EML4: variants seen among roughly 807,000 people sequenced by gnomAD.
EML4 encodes EMAP like 4, also known as echinoderm microtubule-associated protein-like 4.
In EML4, 72 loss-of-function variants were observed where a neutral mutation model predicts 129.0. The observed-to-expected ratio is 0.56, with a 90% confidence interval of 0.46 to 0.68. The LOEUF (loss-of-function observed/expected upper bound fraction) is 0.68, where lower values mean the gene tolerates loss of function less well. EML4 is among the 30% of genes least tolerant of loss of function. The pLI, the probability that EML4 is intolerant of heterozygous loss-of-function variation, is 0.00. For missense variants in EML4, 1,363 were observed against 1,190.6 expected (o/e 1.14, Z -2.13); for synonymous variants, 532 against 405.0 (o/e 1.31, Z -3.77).
At position 42,301,326 on chromosome 2, in the gene EML4, T is replaced by C. The variant is rs1213186022; in HGVS notation, c.1575T>C (p.Thr525=). 6.2e-7 allele frequency: 1 copy of C among 1,613,280 alleles called. No homozygotes were observed. Among genetic ancestry groups the C allele is most frequent in the African/African-American group, 1.3e-5 (1 of 74,888 alleles). ...LCQMRNGMLL[T]GGGKDRKIIL... is the part of the protein sequence containing the mutation. ...AGATGAGAAATGGGATGTTATTAAC[T>C]GGAGGAGGGAAAGACAGAAAAATAA... The change falls in exon 14 of 23, where the codon ACT becomes ACC. Residue 525 remains threonine (T), a synonymous_variant. Coordinates refer to ENST00000318522, the MANE Select transcript of EML4 (RefSeq NM_019063.5).
chr2:42,259,541 C>T (rs1357224329), intron 3 of EML4, among the ~76,000 whole-genome samples: 1 of 151,930 alleles, frequency 6.6e-6, no homozygotes, highest in Non-Finnish European at 1.5e-5. Flanking sequence ...CAAACCTACC[C>T]TCTAAGTATA....
intron 1 of EML4, among the ~76,000 whole-genome samples, chr2:42,197,557 A>G (rs1020351695): frequency 1.3e-5 from 2 of 152,084 alleles, no homozygotes; most frequent in South Asian, 2.1e-4. Flanking sequence ...ATCCAAAACA[A>G]TAGTCTTCAG....
intron 1 of EML4, among the ~76,000 whole-genome samples, chr2:42,241,338 G>A (rs1008057118): frequency 2.0e-5 from 3 of 152,190 alleles, no homozygotes; most frequent in African/African-American, 7.2e-5. Flanking sequence ...ACTATGCTCT[G>A]TTACATTGCC....
intron 1 of EML4, among the ~76,000 whole-genome samples, chr2:42,190,496 G>GACC (rs1400166551): frequency 1.3e-5 from 2 of 152,204 alleles, no homozygotes; most frequent in Non-Finnish European, 2.9e-5. Flanking sequence ...CAACTTGGTA[G>GACC]TACTATTTAG....
chr2:42,256,334 A>G (rs17029441), intron 2 of EML4, among the ~76,000 whole-genome samples, 167 bp from the exon 3 acceptor site: 2 of 152,204 alleles, frequency 1.3e-5, no homozygotes, highest in South Asian at 4.1e-4. Context: ...TTGAGACAGT[A>G]TCATGTGCTG....
At chr2:42,207,259 C>G (rs1477578209) in intron 1 of EML4, among the ~76,000 whole-genome samples, 3 of 151,980 alleles carry the variant, frequency 2.0e-5, no homozygotes, top group Admixed American at 2.0e-4. Context: ...ATATCTTTTA[C>G]TAAAATATAT....
rs757011976 is a variant in EML4 at position 42,325,568 on chromosome 2, A to AT, written c.2242+18dup. 5.2e-6 allele frequency: 3 copies of AT among 574,022 alleles called. No individual in the cohort carries two copies. Among genetic ancestry groups the AT allele is most frequent in the Admixed American group, 3.1e-5 (1 of 32,778 alleles). The allele number at this position is 574,022 out of a possible 1,614,324, so 35.6% of individuals were successfully genotyped here. A position where few individuals can be genotyped will look rare whatever the true frequency, so the allele number is the denominator to read the frequency against. On this transcript the variant is annotated intron_variant, in intron 20 of 22. Transcript: ENST00000318522. ...AAATATTGTACTGTAAGTATGAATG[A>AT]TTTTATATATATATATATATGCTAT...
chr2:42,300,869 C>G (rs1030162684), intron 13 of EML4, among the ~76,000 whole-genome samples: 1 of 152,178 alleles, frequency 6.6e-6, no homozygotes, highest in East Asian at 1.9e-4. Flanking sequence ...GTCTTGAGCT[C>G]TCATATCAGA....
chr2:42,264,096 A>T (rs2104394299), intron 5 of EML4, among the ~76,000 whole-genome samples: 2 of 140,986 alleles, frequency 1.4e-5, no homozygotes, highest in South Asian at 4.5e-4. Flanking sequence ...CAACTCAAAC[A>T]ATACGTGTTT....
At chr2:42,198,202 G>C (rs1355146659) in intron 1 of EML4, among the ~76,000 whole-genome samples, 2 of 152,152 alleles carry the variant, frequency 1.3e-5, no homozygotes, top group Admixed American at 6.5e-5. Context: ...GAGGGAGTCT[G>C]ACTTAAAATT....
intron 1 of EML4, among the ~76,000 whole-genome samples, chr2:42,209,832 G>A (rs1672777154): frequency 6.6e-6 from 1 of 152,116 alleles, no homozygotes; most frequent in Non-Finnish European, 1.5e-5. Context: ...GGGAGGCTGA[G>A]GCAGGAGAAT....
chr2:42,226,315 G>T (rs1245190519), intron 1 of EML4, among the ~76,000 whole-genome samples: 1 of 152,010 alleles, frequency 6.6e-6, no homozygotes, highest in African/African-American at 2.4e-5. Context: ...TAGATGGGAG[G>T]AATAAGTTGA....
At chr2:42,184,824 A>G (rs527927418) in intron 1 of EML4, among the ~76,000 whole-genome samples, 22 of 152,184 alleles carry the variant, frequency 1.4e-4, no homozygotes, top group African/African-American at 5.1e-4. Context: ...TAAGTATTTC[A>G]TGTTTATCTT....
Position 42,280,956 on chromosome 2 carries a change from G to A in EML4, c.774G>A (p.Lys258=). 6.2e-7 allele frequency: 1 copy of A among 1,605,816 alleles called. No individual in the cohort carries two copies. The highest frequency in any genetic ancestry group is 8.5e-7 in the Non-Finnish European group (1 of 1,177,128). ...TCAGAACGGAACTGCCTCCTGAGAA[G>A]CTCAAACTGGAGTGGGCGTATCCTT... is the stretch of plus-strand genomic sequence containing the variant. ...DDIRTELPPE[K]LKLEWAYGYR... is the part of the protein sequence containing the mutation. The change falls in exon 7 of 23, where the codon AAG becomes AAA. Residue 258 remains lysine, a synonymous_variant. Coordinates refer to ENST00000318522, the MANE Select transcript of EML4 (RefSeq NM_019063.5).
chr2:42,266,645 G>A (rs1247872094), intron 6 of EML4, among the ~76,000 whole-genome samples: 1 of 134,044 alleles, frequency 7.5e-6, no homozygotes, highest in Admixed American at 7.3e-5. Context: ...CTTCTGGTCC[G>A]AAAACTTTTT....
chr2:42,305,353 G>A (rs1020117792), intron 17 of EML4, among the ~76,000 whole-genome samples: 2 of 152,208 alleles, frequency 1.3e-5, no homozygotes, highest in African/African-American at 4.8e-5. Flanking sequence ...CAAAATGATA[G>A]AGTGGTCATT....
chr2:42,203,555 A>C (rs1672359236), intron 1 of EML4, among the ~76,000 whole-genome samples: 1 of 152,040 alleles, frequency 6.6e-6, no homozygotes, highest in African/African-American at 2.4e-5. Context: ...CTATGGAAGC[A>C]GTTATACAAG....
intron 22 of EML4, 51 bp from the exon 23 acceptor site, chr2:42,329,683 C>T (rs770608546): frequency 6.8e-7 from 1 of 1,465,844 alleles, no homozygotes; most frequent in South Asian, 1.2e-5. Flanking sequence ...CTGAAACAGG[C>T]ATGTCAAGAA....
rs1672797433 is a variant in EML4, at chr2:42,210,065, C to CAA, written c.26-35440_26-35439insAA. 3.9e-5 allele frequency among the ~76,000 whole-genome samples: 6 copies of CAA among 152,246 alleles called. No homozygotes were observed. The South Asian group carries it at 1.2e-3, about 32-fold the overall frequency. On this transcript the variant is annotated intron_variant, in intron 1 of 22. Coordinates refer to ENST00000318522, the MANE Select transcript of EML4 (RefSeq NM_019063.5). ...CCCCCCATTCCCTTATTATTAATATCTTATATTAGTATGGTACATTATAAT... is the reference window on the plus strand; with the variant it reads ...CCCCCCATTCCCTTATTATTAATATCAATTATATTAGTATGGTACATTATAAT...
Sources: allele counts gnomAD v4.1 joint callset (sites outside exome capture counted in the v4.1 genomes callset), GRCh38; gene constraint gnomAD v4.1.1; transcripts MANE v1.5; gene names NCBI Gene and HGNC (gene_info 2026-07-23, HGNC 2026-07-21).